AUTS2: variants seen among roughly 807,000 people sequenced by gnomAD.
The protein encoded by AUTS2 is activator of transcription and developmental regulator AUTS2.
A neutral mutation model predicts 112.4 loss-of-function variants in AUTS2; 17 were observed. The ratio of observed to expected loss-of-function variants is 0.15; its 90% CI spans 0.10 to 0.23. AUTS2 has a LOEUF of 0.23. AUTS2 is among the 10% of genes least tolerant of loss of function. The pLI, the probability that AUTS2 is intolerant of heterozygous loss-of-function variation, is 1.00. For synonymous variants in AUTS2, 751 were observed against 702.7 expected, an observed-to-expected ratio of 1.07 and a Z score of -1.09; for missense variants, 1,510 against 1,701.6, an observed-to-expected ratio of 0.89 and a Z score of 1.98.
At chr7:70,286,843 C>T (rs534503598) in intron 4 of AUTS2, among the ~76,000 whole-genome samples, 5 of 152,224 alleles carry the variant, frequency 3.3e-5, no homozygotes, top group African/African-American at 1.2e-4. Flanking sequence ...TCAATATCTT[C>T]ATAAATCAAG....
intron 2 of AUTS2, among the ~76,000 whole-genome samples, chr7:70,066,352 A>G (rs1029954408): frequency 6.6e-6 from 1 of 152,150 alleles, no homozygotes; most frequent in East Asian, 1.9e-4. Flanking sequence ...TTGGAGTTGA[A>G]TGGTCCTTTA....
At chr7:69,648,922 T>C (rs896176734) in intron 1 of AUTS2, among the ~76,000 whole-genome samples, 2 of 152,216 alleles carry the variant, frequency 1.3e-5, no homozygotes, top group Non-Finnish European at 2.9e-5. Flanking sequence ...TTTTTTATAG[T>C]GTGTTTTAAT....
intron 1 of AUTS2, among the ~76,000 whole-genome samples, chr7:69,613,465 G>A (rs766633303): frequency 6.6e-6 from 1 of 152,118 alleles, no homozygotes; most frequent in Non-Finnish European, 1.5e-5. Context: ...CTTTTCCCGG[G>A]TTATACTACT....
chr7:70,198,530 A>G (rs886304485), intron 4 of AUTS2, among the ~76,000 whole-genome samples: 1 of 138,984 alleles, frequency 7.2e-6, no homozygotes, highest in African/African-American at 2.7e-5. Flanking sequence ...AGGCTCGAGA[A>G]CTAAGTGAAG....
At chr7:70,163,699 C>T (rs555809701) in intron 4 of AUTS2, among the ~76,000 whole-genome samples, 13 of 152,264 alleles carry the variant, frequency 8.5e-5, no homozygotes, top group African/African-American at 3.1e-4. Flanking sequence ...AGGAAACTTT[C>T]TCATGCCCAA....
intron 5 of AUTS2, among the ~76,000 whole-genome samples, chr7:70,545,394 G>GT (rs1486392117): frequency 6.6e-6 from 1 of 152,214 alleles, no homozygotes; most frequent in East Asian, 1.9e-4. Flanking sequence ...TTCACTGAGT[G>GT]TTTAAGAGGA....
In AUTS2 at chr7:70,248,105, C is replaced by G. The variant is rs73446354; in HGVS notation, c.660+113534C>G. ...GACATATTATGCCTTTCACACAATG[C>G]TAGATTCAGTTTGCTGACATTTTAC... On this transcript the variant is annotated intron_variant, in intron 4 of 18. Transcript: ENST00000342771. 5.0e-3 allele frequency among the ~76,000 whole-genome samples: 754 copies of G among 152,212 alleles called. 8 individuals are homozygous for G. Among genetic ancestry groups the G allele is most frequent in the African/African-American group, 0.017 (709 of 41,512 alleles).
At chr7:70,266,512 C>T (rs1330170923) in intron 4 of AUTS2, among the ~76,000 whole-genome samples, 2 of 152,020 alleles carry the variant, frequency 1.3e-5, no homozygotes, top group Non-Finnish European at 2.9e-5. Flanking sequence ...TAAAATGATA[C>T]ATTTTATGTT....
chr7:70,503,515 C>CTTT (rs1378630809), intron 5 of AUTS2, among the ~76,000 whole-genome samples: 1 of 114,482 alleles, frequency 8.7e-6, no homozygotes, highest in Non-Finnish European at 1.8e-5. Flanking sequence ...ACTCCCGTCT[C>CTTT]ATTTTTTTTT....
intron 5 of AUTS2, among the ~76,000 whole-genome samples, chr7:70,482,112 C>T (rs1048404943): frequency 6.6e-6 from 1 of 152,116 alleles, no homozygotes; most frequent in African/African-American, 2.4e-5. Flanking sequence ...GTTTTGATTT[C>T]TTTGAAGATA....
chr7:70,273,288 C>G (rs941461906), intron 4 of AUTS2, among the ~76,000 whole-genome samples: 2 of 152,152 alleles, frequency 1.3e-5, no homozygotes, highest in African/African-American at 4.8e-5. Flanking sequence ...AAGCAATCTG[C>G]CGGCCTCAGC....
At chr7:70,443,555 T>C (rs1311708207) in intron 5 of AUTS2, among the ~76,000 whole-genome samples, 1 of 152,218 alleles carries the variant, frequency 6.6e-6, no homozygotes, top group African/African-American at 2.4e-5. Flanking sequence ...ATTGTCTCCA[T>C]TCTTTCGTCT....
chr7:69,945,521 G>GTA (rs1664932166), intron 2 of AUTS2, among the ~76,000 whole-genome samples: 1 of 152,084 alleles, frequency 6.6e-6, no homozygotes, highest in Non-Finnish European at 1.5e-5. Context: ...TTTGATATAT[G>GTA]TATATATTGT....
chr7:70,091,646 C>T (rs956946345), intron 2 of AUTS2, among the ~76,000 whole-genome samples: 1 of 152,096 alleles, frequency 6.6e-6, no homozygotes, highest in Non-Finnish European at 1.5e-5. Context: ...AGTCACTGTT[C>T]TTCTTTTTGG....
chr7:70,058,271 A>T (rs1456667692), intron 2 of AUTS2, among the ~76,000 whole-genome samples: 1 of 152,128 alleles, frequency 6.6e-6, no homozygotes, highest in Non-Finnish European at 1.5e-5. Flanking sequence ...CTGTGTAAGG[A>T]CTTATTGGCT....
At chr7:70,085,813 T>C (rs1315452909) in intron 2 of AUTS2, among the ~76,000 whole-genome samples, 1 of 152,176 alleles carries the variant, frequency 6.6e-6, no homozygotes, top group African/African-American at 2.4e-5. Context: ...CTAATCAATT[T>C]GTCTGTCTTG....
chr7:70,172,408 TG>T (rs755063810), intron 4 of AUTS2, among the ~76,000 whole-genome samples: 6 of 152,236 alleles, frequency 3.9e-5, no homozygotes, highest in Non-Finnish European at 8.8e-5. Context: ...CGTTCTTTCA[TG>T]GGAAATTTTA....
intron 2 of AUTS2, among the ~76,000 whole-genome samples, chr7:70,084,783 G>T (rs933635886): frequency 3.3e-5 from 5 of 152,034 alleles, no homozygotes; most frequent in Non-Finnish European, 5.9e-5. Context: ...CGGATATATG[G>T]TATACAAATA....
In AUTS2 at chr7:69,637,496, A is replaced by G. The variant is rs1389525630; in HGVS notation, c.309+37534A>G. On this transcript the variant is annotated intron_variant, in intron 1 of 18. Transcript: ENST00000342771. ...TTCCCAGTATCAGGTGAAAGAGGCC[A>G]GTTTATATCATATAGTACAATATAG... is the stretch of plus-strand genomic sequence containing the variant. Among the ~76,000 whole-genome samples the G allele has an allele frequency of 2.0e-5, 3 of 152,222 alleles. No individual in the cohort carries two copies. In the East Asian group the frequency reaches 5.8e-4, roughly 29 times the overall value.
Sources: gnomAD v4.1 joint callset for allele counts (sites outside exome capture counted in the v4.1 genomes callset) on GRCh38, gnomAD v4.1.1 for gene constraint, MANE v1.5 for transcripts, NCBI Gene and HGNC (gene_info 2026-07-23, HGNC 2026-07-21) for gene names.